Variants in EXOC6B observed in about 807,000 individuals in gnomAD.
EXOC6B encodes exocyst complex component 6B, also known as SEC15 homolog B.
EXOC6B carries 54 observed loss-of-function variants against 113.5 expected under a neutral mutation model. The ratio of observed to expected loss-of-function variants is 0.48; its 90% CI spans 0.38 to 0.60. The LOEUF (loss-of-function observed/expected upper bound fraction) is 0.60. EXOC6B is among the 20% of genes least tolerant of loss of function. The pLI is 0.00. For missense variants in EXOC6B, 797 were observed against 977.5 expected (o/e 0.82, Z 2.46); for synonymous variants, 357 against 339.0 (o/e 1.05, Z -0.58).
In EXOC6B at chr2:72,655,105, G is replaced by T. The variant is rs141430130; in HGVS notation, c.669+62998C>A. Among the ~76,000 whole-genome samples, 19 of 152,202 alleles carry T rather than the reference G, an allele frequency of 1.2e-4. No homozygotes were observed. In the East Asian group the frequency reaches 3.7e-3, roughly 29 times the overall value. ...ACAAGTATGGTTTTCCAACTTACGT[G>T]AGACACATATTCAGTGTCCAGAATT... On this transcript the variant is annotated intron_variant, in intron 6 of 21. Coordinates refer to ENST00000272427, the MANE Select transcript of EXOC6B (RefSeq NM_015189.3).
chr2:72,819,403 A>C (rs1315341085), intron 1 of EXOC6B, among the ~76,000 whole-genome samples: 1 of 152,158 alleles, frequency 6.6e-6, no homozygotes, highest in Non-Finnish European at 1.5e-5. Context: ...AAAAATAAGC[A>C]TGAGCAATGG....
Position 72,825,814 on chromosome 2 carries a change from T to C in EXOC6B, c.97A>G (p.Ile33Val). The change falls in exon 1 of 22, where the codon ATC becomes GTC. Residue 33 changes from isoleucine (I) to valine (V), a missense_variant. Coordinates refer to ENST00000272427, the MANE Select transcript of EXOC6B (RefSeq NM_015189.3). The surrounding 1 kb of genome is among the most constrained non-coding windows in gnomAD (Gnocchi z 4.4). ...REIESTDTACIGPTLRSVYDG... is the reference protein window; with the variant it reads ...REIESTDTACVGPTLRSVYDG... ...CCGGGGTACCTGAGCGTGGGCCCGA[T>C]GCAGGCCGTGTCAGTGCTCTCGATC... The C allele has an allele frequency of 6.2e-7, 1 of 1,613,084 alleles. No homozygotes were observed. Among genetic ancestry groups the C allele is most frequent in the Non-Finnish European group, 8.5e-7 (1 of 1,179,610 alleles).
At chr2:72,460,973 G>T (rs1448035551) in intron 18 of EXOC6B, among the ~76,000 whole-genome samples, 1 of 151,546 alleles carries the variant, frequency 6.6e-6, no homozygotes, top group Non-Finnish European at 1.5e-5. Flanking sequence ...GTCCAACAAT[G>T]ATAGACTGGA....
chr2:72,514,564 GA>G (rs1701108821), intron 10 of EXOC6B, 69 bp downstream of exon 10: 3 of 256,110 alleles, frequency 1.2e-5, no homozygotes, highest in African/African-American at 7.2e-5. Context: ...TGTATGGAAA[GA>G]GTATAAATTT....
At chr2:72,497,898 A>G (rs760151769) in intron 13 of EXOC6B, among the ~76,000 whole-genome samples, 23 of 152,224 alleles carry the variant, frequency 1.5e-4, no homozygotes, top group Non-Finnish European at 3.4e-4. Flanking sequence ...ATGTGACAGA[A>G]TAACTTTCTT....
At chr2:72,515,776 T>C (rs1162260199) in intron 8 of EXOC6B, 1 of 972,120 alleles carries the variant, frequency 1.0e-6, no homozygotes, top group Non-Finnish European at 1.2e-6. Context: ...CAAATTCATG[T>C]CCTTCGTGGA....
intron 18 of EXOC6B, among the ~76,000 whole-genome samples, chr2:72,405,353 G>A (rs376676598): frequency 3.3e-5 from 5 of 152,052 alleles, no homozygotes; most frequent in African/African-American, 9.7e-5. Context: ...TACAGAGAAC[G>A]CCACAAAGAT....
At chr2:72,493,323 C>T (rs1215996888) in intron 15 of EXOC6B, among the ~76,000 whole-genome samples, 8 of 117,470 alleles carry the variant, frequency 6.8e-5, no homozygotes, top group African/African-American at 5.2e-4. Context: ...TTTTTCTCCC[C>T]CCCCCCCCCC....
intron 20 of EXOC6B, among the ~76,000 whole-genome samples, chr2:72,194,765 C>A (rs767642886): frequency 6.6e-6 from 1 of 152,040 alleles, no homozygotes; most frequent in Non-Finnish European, 1.5e-5. Context: ...TTTCCATAGG[C>A]TATGGAACTG....
intron 20 of EXOC6B, among the ~76,000 whole-genome samples, chr2:72,223,281 G>A (rs980088464): frequency 2.6e-5 from 4 of 152,088 alleles, no homozygotes; most frequent in Admixed American, 1.3e-4. Flanking sequence ...GTTTTAAATC[G>A]GACCATACAC....
At chr2:72,476,220 A>G (rs896651362) in intron 17 of EXOC6B, among the ~76,000 whole-genome samples, 5 of 152,220 alleles carry the variant, frequency 3.3e-5, no homozygotes, top group Non-Finnish European at 7.3e-5. Context: ...GAAACCACTG[A>G]AAGTTTCTAC....
Position 72,256,376 on chromosome 2 carries a change from G to A in EXOC6B, c.2197-72189C>T, listed in dbSNP as rs149169455. On this transcript the variant is annotated intron_variant, in intron 20 of 21. Transcript: ENST00000272427. Reference sequence around the variant, plus strand: ...CACTATCAAATCATTTTGCAGATAGGGTGACTAAAGTTTAGAAAACTTAAG... The same window carrying A: ...CACTATCAAATCATTTTGCAGATAGAGTGACTAAAGTTTAGAAAACTTAAG... Among the ~76,000 whole-genome samples, 530 of 152,210 alleles carry A rather than the reference G, an allele frequency of 3.5e-3. 3 individuals carry two copies. Among genetic ancestry groups the A allele is most frequent in the African/African-American group, 0.012 (504 of 41,532 alleles).
chr2:72,594,724 A>C (rs978599082), intron 6 of EXOC6B, among the ~76,000 whole-genome samples: 6 of 152,212 alleles, frequency 3.9e-5, no homozygotes, highest in African/African-American at 1.4e-4. Context: ...TTGGTTGACT[A>C]ATGTACCTAA....
intron 18 of EXOC6B, 148 bp from the exon 19 acceptor site, chr2:72,380,018 G>T: frequency 1.4e-6 from 1 of 690,426 alleles, no homozygotes; most frequent in Non-Finnish European, 2.2e-6. Context: ...AAATAATCTT[G>T]GAATTAAAGC....
intron 1 of EXOC6B, among the ~76,000 whole-genome samples, chr2:72,803,466 C>T (rs533795276): frequency 1.3e-5 from 2 of 152,220 alleles, no homozygotes; most frequent in Non-Finnish European, 2.9e-5. Flanking sequence ...ATGGCAAGAA[C>T]ATCCATATTA....
At chr2:72,766,940 A>G (rs1683100066) in intron 1 of EXOC6B, among the ~76,000 whole-genome samples, 1 of 147,390 alleles carries the variant, frequency 6.8e-6, no homozygotes, top group Non-Finnish European at 1.5e-5. Context: ...TGACAGAGTG[A>G]GACCCTGTCT....
chr2:72,810,378 A>G (rs958410276), intron 1 of EXOC6B, among the ~76,000 whole-genome samples: 2 of 146,260 alleles, frequency 1.4e-5, no homozygotes, highest in African/African-American at 2.5e-5. Context: ...TAAATAAATA[A>G]ATAAATAAAA....
At chr2:72,791,977 A>G (rs1684694695) in intron 1 of EXOC6B, among the ~76,000 whole-genome samples, 2 of 152,244 alleles carry the variant, frequency 1.3e-5, no homozygotes, top group South Asian at 4.1e-4. Context: ...GCTCTGTTAA[A>G]GAATTTATCC....
chr2:72,818,214 G>C (rs1025680698), intron 1 of EXOC6B, among the ~76,000 whole-genome samples: 1 of 151,856 alleles, frequency 6.6e-6, no homozygotes, highest in Non-Finnish European at 1.5e-5. Flanking sequence ...GCGCGATCTC[G>C]GCTCACTGCA....
Sources: allele counts gnomAD v4.1 joint callset (sites outside exome capture counted in the v4.1 genomes callset), GRCh38; gene constraint gnomAD v4.1.1; non-coding constraint Gnocchi (gnomAD v3.1); transcripts MANE v1.5; gene names NCBI Gene and HGNC (gene_info 2026-07-23, HGNC 2026-07-21).